The following ZNF678 variants were observed in gnomAD, a reference collection of about 807,000 sequenced individuals.
The protein encoded by ZNF678 is zinc finger protein 678, also known as hypothetical protein MGC42493.
In ZNF678, 5 loss-of-function variants were observed where a neutral mutation model predicts 3.0. That is an observed-to-expected ratio of 1.69 (90% CI 0.88 to 3.56). The LOEUF (loss-of-function observed/expected upper bound fraction) is 3.56, where lower values mean the gene tolerates loss of function less well. Among genes scored for constraint, ZNF678 ranks in the 30% most tolerant of loss-of-function variants. The pLI is 0.00. For synonymous variants in ZNF678, 218 were observed against 199.6 expected (o/e 1.09, Z -0.78); for missense variants, 593 against 605.0 (o/e 0.98, Z 0.21).
chr1:227,613,701 C>G (rs1295203260), intron 1 of ZNF678, among the ~76,000 whole-genome samples: 1 of 152,150 alleles, frequency 6.6e-6, no homozygotes, highest in Non-Finnish European at 1.5e-5. Context: ...ACTTCTCATT[C>G]AGGGCCTCAT....
At chr1:227,569,150 T>C (rs1656772291) in intron 1 of ZNF678, among the ~76,000 whole-genome samples, 1 of 152,178 alleles carries the variant, frequency 6.6e-6, no homozygotes, top group Non-Finnish European at 1.5e-5. Flanking sequence ...CTACCATGCC[T>C]GGCTAATTTG....
chr1:227,596,920 G>A (rs1657607651), intron 1 of ZNF678, among the ~76,000 whole-genome samples: 1 of 152,036 alleles, frequency 6.6e-6, no homozygotes, highest in Admixed American at 6.5e-5. Context: ...CAAACACAAA[G>A]TCCAAATTCA....
chr1:227,581,028 C>T (rs12567084), intron 1 of ZNF678, among the ~76,000 whole-genome samples: 2,536 of 151,728 alleles, frequency 0.017, 61 homozygotes, highest in South Asian at 0.058. Flanking sequence ...ACAATTTTCA[C>T]TGGATAATTT....
At chr1:227,663,896 C>T (rs1279861261), downstream of ZNF678, among the ~76,000 whole-genome samples, 2 of 152,194 alleles carry the variant, frequency 1.3e-5, no homozygotes, top group East Asian at 3.9e-4. Context: ...TCTGTGCCCA[C>T]TCCCACCCAA....
rs761707208 is a variant in ZNF678 at position 227,654,382 on chromosome 1, G to C, written c.132G>C (p.Met44Ile). The C allele has an allele frequency of 2.5e-6, 4 of 1,600,556 alleles. No individual in the cohort carries two copies. The South Asian group carries it at 4.5e-5, about 18-fold the overall frequency. The change falls in exon 4 of 4, where the codon ATG becomes ATC. Residue 44 changes from methionine (M) to isoleucine (I), a missense_variant. Met to Ile is a conservative substitution (Grantham distance 10). Coordinates refer to ENST00000343776, the MANE Select transcript of ZNF678 (RefSeq NM_001367909.1). Reference sequence around the variant, plus strand: ...AAGACCTTTTGCCAGAGCAGGATATGAAAGATTTATGCCAAAAAGTGACAC... The same window carrying C: ...AAGACCTTTTGCCAGAGCAGGATATCAAAGATTTATGCCAAAAAGTGACAC... ...SIQDLLPEQD[M>I]KDLCQKVTLT...
At chr1:227,634,949 T>A (rs1194894113) in intron 1 of ZNF678, among the ~76,000 whole-genome samples, 1 of 152,176 alleles carries the variant, frequency 6.6e-6, no homozygotes, top group Non-Finnish European at 1.5e-5. Flanking sequence ...TCTGATCCAC[T>A]GCAATTCTAG....
intron 1 of ZNF678, among the ~76,000 whole-genome samples, chr1:227,639,604 A>G (rs1369627511): frequency 2.0e-5 from 3 of 150,254 alleles, no homozygotes; most frequent in Non-Finnish European, 2.9e-5. Flanking sequence ...GGTGATTTCT[A>G]AAAATGGGCA....
chr1:227,565,092 A>T (rs1571849825), intron 1 of ZNF678, among the ~76,000 whole-genome samples: 3 of 86,310 alleles, frequency 3.5e-5, no homozygotes, highest in Admixed American at 1.9e-4. Context: ...GTTGAGTTGG[A>T]GTCTCGCTCT....
chr1:227,621,123 G>A (rs1482095617), intron 1 of ZNF678, among the ~76,000 whole-genome samples: 2 of 152,150 alleles, frequency 1.3e-5, no homozygotes, highest in Non-Finnish European at 2.9e-5. Flanking sequence ...GTATGTGCCC[G>A]TAGTCCCAGC....
intron 1 of ZNF678, 143 bp from the exon 2 acceptor site, chr1:227,646,401 C>A (rs558080690): frequency 4.2e-6 from 3 of 714,140 alleles, no homozygotes; most frequent in East Asian, 1.3e-4. Context: ...AGAATGCATT[C>A]GAGAATCTTT....
intron 1 of ZNF678, among the ~76,000 whole-genome samples, chr1:227,635,556 T>TGTGC (rs1284646079): frequency 1.3e-5 from 2 of 150,188 alleles, no homozygotes; most frequent in Non-Finnish European, 3.0e-5. Context: ...TGTGTGTGTG[T>TGTGC]GTGTGTGTAG....
chr1:227,595,589 G>A (rs1657561535), intron 1 of ZNF678, among the ~76,000 whole-genome samples: 1 of 152,048 alleles, frequency 6.6e-6, no homozygotes, highest in Non-Finnish European at 1.5e-5. Context: ...GCTTATTTGT[G>A]CCTGACCCAT....
intron 1 of ZNF678, among the ~76,000 whole-genome samples, chr1:227,577,742 G>T (rs776504904): frequency 6.6e-6 from 1 of 152,082 alleles, no homozygotes; most frequent in Non-Finnish European, 1.5e-5. Flanking sequence ...TCCATTTAAG[G>T]TTAGTATTAA....
chr1:227,664,879 A>G (rs951687902), downstream of ZNF678, among the ~76,000 whole-genome samples: 2 of 152,052 alleles, frequency 1.3e-5, no homozygotes, highest in African/African-American at 2.4e-5. Context: ...CTCCTTGCCT[A>G]TACACAGTTA....
chr1:227,616,611 C>A (rs1658148130), intron 1 of ZNF678, among the ~76,000 whole-genome samples: 2 of 152,334 alleles, frequency 1.3e-5, no homozygotes, highest in Non-Finnish European at 2.9e-5. Context: ...GCCCCTTCTA[C>A]AAACCAGAAA....
chr1:227,588,080 A>G (rs1406954393), intron 1 of ZNF678, among the ~76,000 whole-genome samples: 1 of 151,942 alleles, frequency 6.6e-6, no homozygotes, highest in Non-Finnish European at 1.5e-5. Context: ...AGAACCTGCA[A>G]TGTTTGGTTT....
intron 1 of ZNF678, among the ~76,000 whole-genome samples, chr1:227,602,561 G>T (rs1438484171): frequency 6.6e-6 from 1 of 152,144 alleles, no homozygotes; most frequent in Non-Finnish European, 1.5e-5. Flanking sequence ...TTTAGTACTT[G>T]AAAATTTATG....
intron 1 of ZNF678, chr1:227,599,130 C>G (rs555996426): frequency 1.3e-6 from 2 of 1,488,210 alleles, no homozygotes; most frequent in Admixed American, 1.7e-5. Context: ...TTTATATAGG[C>G]CAGGATGTAG....
chr1:227,646,703 T>G, intron 2 of ZNF678, 33 bp downstream of exon 2: 1 of 1,357,182 alleles, frequency 7.4e-7, no homozygotes, highest in Admixed American at 2.1e-5. Context: ...ATTTATGTAT[T>G]TCATACTACG....
Sources: allele counts gnomAD v4.1 joint callset (sites outside exome capture counted in the v4.1 genomes callset), GRCh38; gene constraint gnomAD v4.1.1; transcripts MANE v1.5; gene names NCBI Gene and HGNC (gene_info 2026-07-23, HGNC 2026-07-21).